PTP4A3: variants seen among roughly 807,000 people sequenced by gnomAD.
The protein encoded by PTP4A3 is protein tyrosine phosphatase 4A3, also known as protein tyrosine phosphatase type IVA 3.
Under a neutral mutation model 15.2 loss-of-function variants are expected in PTP4A3, and 9 were observed. That is an observed-to-expected ratio of 0.59 (90% CI 0.36 to 1.03). The LOEUF (loss-of-function observed/expected upper bound fraction) is 1.03, where lower values mean the gene tolerates loss of function less well. Ranked by LOEUF, PTP4A3 falls within the 50% of genes least tolerant of loss-of-function variation. The probability of loss-of-function intolerance (pLI) is 0.02; values close to 1 mark genes in which losing one functional copy is unlikely to be tolerated. For missense variants in PTP4A3, 234 were observed against 252.1 expected (o/e 0.93, Z 0.49); for synonymous variants, 95 against 102.0 (o/e 0.93, Z 0.41).
chr8:141,412,678 T>C (rs1034368750), intron 1 of PTP4A3, among the ~76,000 whole-genome samples: 1 of 152,218 alleles, frequency 6.6e-6, no homozygotes, highest in Non-Finnish European at 1.5e-5. Context: ...AGGCTTAGCT[T>C]GAGCCCTCCC....
At position 141,406,477 on chromosome 8, in the gene PTP4A3, C is replaced by G. The variant is rs561268549; in HGVS notation, c.-854+14393C>G. On this transcript the variant is annotated intron_variant, in intron 1 of 5. Transcript: ENST00000521578. The surrounding 1 kb of genome is among the most constrained non-coding windows in gnomAD (Gnocchi z 4.5). ...GAGAGCAGTTCCCTGGGGTGTCCCC[C>G]TGGGAAGTCCTGCCCTCCTGCCTCT... 6.6e-6 allele frequency among the ~76,000 whole-genome samples: 1 copy of G among 152,080 alleles called. No homozygotes were observed. The highest frequency in any genetic ancestry group is 1.5e-5 in the Non-Finnish European group (1 of 68,010).
At chr8:141,400,102 T>A (rs1563724146) in intron 1 of PTP4A3, among the ~76,000 whole-genome samples, 1 of 152,206 alleles carries the variant, frequency 6.6e-6, no homozygotes, top group Admixed American at 6.5e-5. Context: ...TTTCACCATG[T>A]TAGCCGGGCT....
chr8:141,431,045 C>T lies in PTP4A3; in HGVS notation c.*1C>T, dbSNP rs1421741334. 2 of 1,612,940 alleles carry T rather than the reference C, an allele frequency of 1.2e-6. No homozygotes were observed. Among genetic ancestry groups the T allele is most frequent in the Non-Finnish European group, 1.7e-6 (2 of 1,179,752 alleles). ...CAAGACCCGGTGCTGCGTTATGTAG[C>T]TCAGGACCTTGGCTGGGCCTGGTCG... On this transcript the variant is annotated 3_prime_UTR_variant, in exon 6 of 6. Transcript: ENST00000521578.
chr8:141,411,831 C>T (rs1832878251), intron 1 of PTP4A3, among the ~76,000 whole-genome samples: 1 of 150,260 alleles, frequency 6.7e-6, no homozygotes, highest in Non-Finnish European at 1.5e-5. Flanking sequence ...CTGGGGCTGA[C>T]ATGGAGTGTA....
chr8:141,399,600 C>T (rs1271161139), intron 1 of PTP4A3, among the ~76,000 whole-genome samples: 4 of 152,234 alleles, frequency 2.6e-5, no homozygotes, highest in Non-Finnish European at 5.9e-5. Context: ...TGGGGGAGAC[C>T]CCGGCCCCCA....
intron 1 of PTP4A3, among the ~76,000 whole-genome samples, chr8:141,407,791 T>C (rs1037987499): frequency 6.6e-6 from 1 of 152,188 alleles, no homozygotes; most frequent in African/African-American, 2.4e-5. Context: ...GGTTTCAAAC[T>C]CCTGACCTCA....
intron 1 of PTP4A3, among the ~76,000 whole-genome samples, chr8:141,404,931 C>T (rs1219477404): frequency 1.3e-5 from 2 of 152,214 alleles, no homozygotes; most frequent in Non-Finnish European, 2.9e-5. Flanking sequence ...ACTCATTGGG[C>T]ACTGACTGTC....
intron 3 of PTP4A3, chr8:141,426,336 G>T: frequency 1.4e-6 from 1 of 706,580 alleles, no homozygotes; most frequent in Non-Finnish European, 1.7e-6. Flanking sequence ...CGGGACAGTG[G>T]GAAGCACAGG....
Position 141,417,755 on chromosome 8 carries a change from C to G in PTP4A3, c.-853-3633C>G, listed in dbSNP as rs566191079. Among the ~76,000 whole-genome samples the G allele has an allele frequency of 9.2e-5, 14 of 152,114 alleles. No homozygotes were observed. In the East Asian group the frequency reaches 1.9e-3, roughly 21 times the overall value. ...TTTCCTGGCTGGGCTTCCTCTTCCC[C>G]GCGCCCGCCCTGCGCGGCCCCTTTG... On this transcript the variant is annotated intron_variant, in intron 1 of 5. Coordinates refer to ENST00000521578, the MANE Select transcript of PTP4A3 (RefSeq NM_032611.3).
chr8:141,426,351 C>T (rs1833576811), intron 3 of PTP4A3: 2 of 814,794 alleles, frequency 2.5e-6, no homozygotes, highest in East Asian at 1.3e-4. Context: ...CACAGGTCAT[C>T]TTCCAAGACC....
rs113613418 is a variant in PTP4A3, at chr8:141,431,523, C to CT, written c.*479_*480insT. The CT allele has an allele frequency of 1.3e-5, 2 of 154,646 alleles. No individual in the cohort carries two copies. The highest frequency in any genetic ancestry group is 2.9e-5 in the Non-Finnish European group (2 of 69,852). The allele number at this position is 154,646 out of a possible 1,614,324, so 9.6% of individuals were successfully genotyped here. A position where few individuals can be genotyped will look rare whatever the true frequency, so the allele number is the denominator to read the frequency against. Reference sequence around the variant, plus strand: ...AAGGCAATAAAACAGGAGCCGTGGCCGTGTGTGTGGAGTGGGCTACAGCGT... The same window carrying CT: ...AAGGCAATAAAACAGGAGCCGTGGCCTGTGTGTGTGGAGTGGGCTACAGCGT... On this transcript the variant is annotated 3_prime_UTR_variant, in exon 6 of 6. Transcript: ENST00000521578.
chr8:141,412,802 ATGT>A (rs1204910558), intron 1 of PTP4A3, among the ~76,000 whole-genome samples: 1 of 152,082 alleles, frequency 6.6e-6, no homozygotes, highest in Non-Finnish European at 1.5e-5. Context: ...CATAATTCTC[ATGT>A]TGTGTGGGTG....
At chr8:141,401,996 C>T (rs1293738747) in intron 1 of PTP4A3, among the ~76,000 whole-genome samples, 1 of 152,170 alleles carries the variant, frequency 6.6e-6, no homozygotes, top group Non-Finnish European at 1.5e-5. Flanking sequence ...TCCTCCAGCT[C>T]CCGGGATCCC....
At chr8:141,430,810 G>A (rs1473503128) in intron 5 of PTP4A3, 117 bp from the exon 6 acceptor site, 3 of 941,028 alleles carry the variant, frequency 3.2e-6, no homozygotes, top group Non-Finnish European at 5.0e-6. Flanking sequence ...GAGGGGCTTG[G>A]CCAGCCTCAA....
Position 141,406,050 on chromosome 8 carries a change from G to A in PTP4A3, c.-854+13966G>A, listed in dbSNP as rs1832713166. On this transcript the variant is annotated intron_variant, in intron 1 of 5. Coordinates refer to ENST00000521578, the MANE Select transcript of PTP4A3 (RefSeq NM_032611.3). The surrounding 1 kb of genome is among the most constrained non-coding windows in gnomAD (Gnocchi z 4.5). ...AGGATTTTTGGCTTTCCTGAGTGACGCGGGCACCACTGGAGGCTTTGAGCG... is the reference window on the plus strand; with the variant it reads ...AGGATTTTTGGCTTTCCTGAGTGACACGGGCACCACTGGAGGCTTTGAGCG... Among the ~76,000 whole-genome samples the A allele has an allele frequency of 6.6e-6, 1 of 152,098 alleles. No homozygotes were observed. The highest frequency in any genetic ancestry group is 2.4e-5 in the African/African-American group (1 of 41,404).
chr8:141,415,459 C>T (rs1413381614), intron 1 of PTP4A3, among the ~76,000 whole-genome samples: 1 of 150,612 alleles, frequency 6.6e-6, no homozygotes, highest in Non-Finnish European at 1.5e-5. Context: ...CCCTCCTGCC[C>T]TCTGGCCGGG....
chr8:141,400,053 A>G (rs1832549408), intron 1 of PTP4A3, among the ~76,000 whole-genome samples: 1 of 152,228 alleles, frequency 6.6e-6, no homozygotes, highest in Non-Finnish European at 1.5e-5. Context: ...GACCACAGGC[A>G]TGCGCCACTA....
intron 2 of PTP4A3, among the ~76,000 whole-genome samples, chr8:141,424,609 A>C (rs1833481581): frequency 6.6e-6 from 1 of 151,996 alleles, no homozygotes; most frequent in Non-Finnish European, 1.5e-5. Context: ...TTGCTGGTAG[A>C]TCTGGGGTCC....
chr8:141,409,493 C>A (rs1832813113), intron 1 of PTP4A3, among the ~76,000 whole-genome samples: 1 of 152,190 alleles, frequency 6.6e-6, no homozygotes, highest in South Asian at 2.1e-4. Context: ...CTTCTGGGCA[C>A]CACGGCGATG....
Sources: allele counts gnomAD v4.1 joint callset (sites outside exome capture counted in the v4.1 genomes callset), GRCh38; gene constraint gnomAD v4.1.1; non-coding constraint Gnocchi (gnomAD v3.1); transcripts MANE v1.5; gene names NCBI Gene and HGNC (gene_info 2026-07-23, HGNC 2026-07-21).